Variants in TMED10 observed in about 807,000 individuals in gnomAD.
The protein encoded by TMED10 is transmembrane p24 trafficking protein 10, also known as transmembrane emp24 domain-containing protein 10.
Under a neutral mutation model 23.1 loss-of-function variants are expected in TMED10, and 7 were observed. That is an observed-to-expected ratio of 0.30 (90% CI 0.17 to 0.57). The LOEUF is 0.57. TMED10 is among the 20% of genes least tolerant of loss of function. TMED10 has a pLI of 0.91. For missense variants in TMED10, 162 were observed against 274.8 expected, an observed-to-expected ratio of 0.59 and a Z score of 2.90; for synonymous variants, 113 against 106.9, an observed-to-expected ratio of 1.06 and a Z score of -0.35.
intron 1 of TMED10, among the ~76,000 whole-genome samples, chr14:75,166,980 C>T (rs907889112): frequency 1.2e-4 from 17 of 142,636 alleles, no homozygotes; most frequent in African/African-American, 3.9e-4. Flanking sequence ...CTCACTCTGT[C>T]GCCCAGGCTG....
chr14:75,138,483 C>T (rs1007088855), intron 3 of TMED10, among the ~76,000 whole-genome samples: 6 of 152,180 alleles, frequency 3.9e-5, no homozygotes, highest in African/African-American at 1.4e-4. Context: ...CAGGTTTTGT[C>T]ATTAACCCAG....
At chr14:75,135,402 C>T (rs561954284) in intron 4 of TMED10, among the ~76,000 whole-genome samples, 8 of 152,176 alleles carry the variant, frequency 5.3e-5, no homozygotes, top group Admixed American at 3.3e-4. Context: ...ATCGCACCAC[C>T]GTACTCCAGC....
chr14:75,164,580 T>A (rs1566675309), intron 1 of TMED10, among the ~76,000 whole-genome samples: 1 of 19,980 alleles, frequency 5.0e-5, no homozygotes, highest in African/African-American at 2.0e-4. Flanking sequence ...TATATATATT[T>A]TTTTTTTTTT....
intron 1 of TMED10, among the ~76,000 whole-genome samples, chr14:75,159,316 CTAA>C (rs1467087805): frequency 6.6e-6 from 1 of 152,184 alleles, no homozygotes; most frequent in East Asian, 1.9e-4. Context: ...AGGAAGAAGG[CTAA>C]TAATTACAGG....
rs1895711540 is a variant in TMED10, at chr14:75,133,477, T to C, written c.*1408A>G. 1 of 152,200 alleles carries C rather than the reference T, an allele frequency of 6.6e-6. No homozygotes were observed. The highest frequency in any genetic ancestry group is 1.5e-5 in the Non-Finnish European group (1 of 68,046). 9.4% of individuals were successfully genotyped at this position (152,200 alleles called of 1,614,324 possible). On this transcript the variant is annotated 3_prime_UTR_variant, in exon 5 of 5. Transcript: ENST00000303575. ...CTATGTGAATGGTTAAGATAAAAAA[T>C]AGTAGTAATACCAAATGCTGGTGAG...
At chr14:75,140,064 C>T (rs948867091) in intron 3 of TMED10, among the ~76,000 whole-genome samples, 2 of 152,158 alleles carry the variant, frequency 1.3e-5, no homozygotes, top group African/African-American at 4.8e-5. Context: ...AGTGAGGAGG[C>T]AGTATGCATT....
At chr14:75,165,800 A>C (rs1051967561) in intron 1 of TMED10, among the ~76,000 whole-genome samples, 1 of 152,214 alleles carries the variant, frequency 6.6e-6, no homozygotes, top group Admixed American at 6.5e-5. Context: ...CATAGTACAT[A>C]AGTATTGCTT....
At chr14:75,175,203 CA>C (rs894632769) in intron 1 of TMED10, among the ~76,000 whole-genome samples, 11 of 151,858 alleles carry the variant, frequency 7.2e-5, no homozygotes, top group African/African-American at 2.4e-4. Flanking sequence ...ATTAATGTCT[CA>C]AAGACCAGGC....
intron 3 of TMED10, chr14:75,139,160 T>C (rs1474167076): frequency 2.2e-6 from 1 of 453,042 alleles, no homozygotes; most frequent in East Asian, 7.0e-5. Flanking sequence ...CCTTTTCTTC[T>C]GAGACACTAT....
At chr14:75,153,264 A>ATCTTG (rs1436444206) in intron 1 of TMED10, among the ~76,000 whole-genome samples, 64 of 152,024 alleles carry the variant, frequency 4.2e-4, no homozygotes, top group Non-Finnish European at 6.9e-4. Context: ...ACAGAGCAAG[A>ATCTTG]CTCTGTCTCA....
chr14:75,167,175 C>T (rs1170342730), intron 1 of TMED10, among the ~76,000 whole-genome samples: 12 of 152,012 alleles, frequency 7.9e-5, no homozygotes, highest in Admixed American at 4.6e-4. Context: ...CTCCTGACCT[C>T]GTGATCCACC....
chr14:75,167,324 C>G (rs1896177381), intron 1 of TMED10, among the ~76,000 whole-genome samples: 1 of 152,084 alleles, frequency 6.6e-6, no homozygotes, highest in Admixed American at 6.6e-5. Context: ...TACAGTAATT[C>G]CAAACAAAAT....
At chr14:75,169,040 T>A (rs1896197909) in intron 1 of TMED10, among the ~76,000 whole-genome samples, 1 of 151,598 alleles carries the variant, frequency 6.6e-6, no homozygotes, top group Non-Finnish European at 1.5e-5. Flanking sequence ...AGAGTCAGAG[T>A]GGGAGGAAGC....
intron 2 of TMED10, among the ~76,000 whole-genome samples, chr14:75,151,125 C>G (rs1895950898): frequency 6.6e-6 from 1 of 152,128 alleles, no homozygotes; most frequent in African/African-American, 2.4e-5. Flanking sequence ...AGGCTGGTCT[C>G]AAACTCCTGG....
chr14:75,171,582 G>T (rs1331803713), intron 1 of TMED10, among the ~76,000 whole-genome samples: 1 of 127,352 alleles, frequency 7.9e-6, no homozygotes, highest in African/African-American at 2.9e-5. Context: ...GCCCAGCCTG[G>T]CTTTAAAGAT....
chr14:75,163,840 G>T (rs538187465), intron 1 of TMED10, among the ~76,000 whole-genome samples: 3 of 152,002 alleles, frequency 2.0e-5, no homozygotes, highest in African/African-American at 4.8e-5. Flanking sequence ...GCCCAGGCTG[G>T]TTATGTACTC....
intron 1 of TMED10, among the ~76,000 whole-genome samples, chr14:75,159,458 G>A (rs1163163658): frequency 6.6e-6 from 1 of 152,224 alleles, no homozygotes; most frequent in Non-Finnish European, 1.5e-5. Context: ...AAGAGACTAA[G>A]TCATTGGCCT....
At chr14:75,159,164 A>G (rs1357581562) in intron 1 of TMED10, among the ~76,000 whole-genome samples, 1 of 152,228 alleles carries the variant, frequency 6.6e-6, no homozygotes, top group African/African-American at 2.4e-5. Context: ...GACAGCAGGA[A>G]TAACAGATTT....
intron 1 of TMED10, among the ~76,000 whole-genome samples, chr14:75,175,757 A>G (rs1422687901): frequency 6.6e-6 from 1 of 152,130 alleles, no homozygotes; most frequent in East Asian, 1.9e-4. Context: ...TTTGAAAAAA[A>G]AAAAAGAATC....
Sources: gnomAD v4.1 joint callset for allele counts (sites outside exome capture counted in the v4.1 genomes callset) on GRCh38, gnomAD v4.1.1 for gene constraint, MANE v1.5 for transcripts, NCBI Gene and HGNC (gene_info 2026-07-23, HGNC 2026-07-21) for gene names.